The following DYNC2I1 variants were observed in gnomAD, a reference collection of about 807,000 sequenced individuals.
The protein encoded by DYNC2I1 is dynein 2 intermediate chain 1, also known as cytoplasmic dynein 2 intermediate chain 1.
In DYNC2I1, 89 loss-of-function variants were observed where a neutral mutation model predicts 133.4. The observed-to-expected ratio is 0.67, with a 90% CI of 0.56 to 0.80. The LOEUF (loss-of-function observed/expected upper bound fraction) is 0.80. Ranked by LOEUF, DYNC2I1 falls within the 30% of genes least tolerant of loss-of-function variation. The pLI, the probability that DYNC2I1 is intolerant of heterozygous loss-of-function variation, is 0.00. For missense variants in DYNC2I1, 1,291 were observed against 1,314.5 expected (o/e 0.98, Z 0.28); for synonymous variants, 504 against 484.3 (o/e 1.04, Z -0.54).
chr7:158,895,327 G>A (rs566732266), intron 8 of DYNC2I1, among the ~76,000 whole-genome samples: 19 of 152,294 alleles, frequency 1.2e-4, no homozygotes, highest in Middle Eastern at 3.4e-3. Context: ...TTCTTGAGGG[G>A]TGTAAGGTCT....
chr7:158,897,009 A>T (rs1845821618), intron 8 of DYNC2I1, among the ~76,000 whole-genome samples: 2 of 143,636 alleles, frequency 1.4e-5, no homozygotes, highest in Admixed American at 7.0e-5. Context: ...TTTGAGACAG[A>T]GTCTCTCTCT....
downstream of DYNC2I1, among the ~76,000 whole-genome samples, chr7:158,949,275 T>C (rs1481820261): frequency 6.6e-6 from 1 of 152,270 alleles, no homozygotes; most frequent in Non-Finnish European, 1.5e-5. Context: ...CACACAGTCC[T>C]GAATGCGGAA....
chr7:158,923,572 T>A lies in DYNC2I1; in HGVS notation c.2096T>A (p.Val699Asp). The A allele has an allele frequency of 6.2e-7, 1 of 1,614,058 alleles. No individual in the cohort carries two copies. Among genetic ancestry groups the A allele is most frequent in the Non-Finnish European group, 8.5e-7 (1 of 1,179,910 alleles). ...GCTTTCTGTGCCTTTGTCTTTTAGG[T>A]CACGTGTTGCTGCTTGAGCCCTTTG... ...PQKVLICESQ[V>D]TCCCLSPLKA... Residue 699 changes from valine (V) to aspartate (D), a missense_variant and splice_region_variant, in exon 17 of 25, where the codon GTC becomes GAC. Transcript: ENST00000407559.
At chr7:158,878,136 G>C (rs573613353) in intron 4 of DYNC2I1, among the ~76,000 whole-genome samples, 3 of 149,518 alleles carry the variant, frequency 2.0e-5, no homozygotes, top group South Asian at 4.3e-4. Flanking sequence ...GGGAGGCCAG[G>C]AGGGCTGACT....
chr7:158,919,878 G>A (rs1383318165), intron 15 of DYNC2I1, among the ~76,000 whole-genome samples: 5 of 146,014 alleles, frequency 3.4e-5, no homozygotes, highest in South Asian at 2.2e-4. Context: ...CCGAGTGTGC[G>A]CCGCCCCCAG....
At chr7:158,861,812 A>T (rs1841891161) in intron 1 of DYNC2I1, among the ~76,000 whole-genome samples, 2 of 152,202 alleles carry the variant, frequency 1.3e-5, no homozygotes, top group Non-Finnish European at 2.9e-5. Flanking sequence ...GGATTCAGTG[A>T]TGGAAACTGA....
upstream of DYNC2I1, among the ~76,000 whole-genome samples, chr7:158,852,827 C>T (rs986453457): frequency 1.3e-5 from 2 of 152,218 alleles, no homozygotes; most frequent in African/African-American, 4.8e-5. Context: ...ACAAAAGTCT[C>T]TAAAAATCCT....
chr7:158,895,464 A>G (rs138173839), intron 8 of DYNC2I1, among the ~76,000 whole-genome samples: 160 of 152,140 alleles, frequency 1.1e-3, no homozygotes, highest in African/African-American at 3.6e-3. Flanking sequence ...ATGTGGGTCT[A>G]TTTCTGGGCT....
intron 11 of DYNC2I1, 99 bp from the exon 12 acceptor site, chr7:158,911,451 T>G: frequency 7.5e-7 from 1 of 1,326,006 alleles, no homozygotes; most frequent in Non-Finnish European, 1.0e-6. Context: ...TTTCTGACAA[T>G]AACATGCATT....
chr7:158,884,456 CTGT>C, intron 5 of DYNC2I1, 105 bp from the exon 6 acceptor site: 5 of 900,884 alleles, frequency 5.6e-6, no homozygotes, highest in South Asian at 3.6e-5. Context: ...GATGTACATG[CTGT>C]TGTTAAATTT....
downstream of DYNC2I1, among the ~76,000 whole-genome samples, chr7:158,947,298 C>G (rs1851917963): frequency 6.6e-6 from 1 of 152,158 alleles, no homozygotes; most frequent in Non-Finnish European, 1.5e-5. Context: ...GAGTCCACAC[C>G]CACTCACCGT....
chr7:158,926,546 C>CG, intron 19 of DYNC2I1, 83 bp downstream of exon 19: 8 of 1,447,406 alleles, frequency 5.5e-6, no homozygotes, highest in Non-Finnish European at 7.6e-6. Context: ...GCGCAGGGGG[C>CG]GGGACCCAGT....
rs1199721243 is a variant in DYNC2I1, at chr7:158,891,364, A to C, written c.1059+31A>C. ...GAGAGTACGTCTTCTTATAGTTTGCAATCCTGTCCCAGCACAGACCCACTC... is the reference window on the plus strand; with the variant it reads ...GAGAGTACGTCTTCTTATAGTTTGCCATCCTGTCCCAGCACAGACCCACTC... On this transcript the variant is annotated intron_variant, in intron 8 of 24. Coordinates refer to ENST00000407559, the MANE Select transcript of DYNC2I1 (RefSeq NM_018051.5). 3.1e-6 allele frequency: 5 copies of C among 1,613,664 alleles called. No homozygotes were observed. The South Asian group carries it at 4.4e-5, about 14-fold the overall frequency.
At chr7:158,862,525 T>G (rs1227774021) in intron 1 of DYNC2I1, among the ~76,000 whole-genome samples, 3 of 133,372 alleles carry the variant, frequency 2.2e-5, no homozygotes, top group Non-Finnish European at 4.6e-5. Context: ...GAGGCCAGCC[T>G]GGGCAACATA....
chr7:158,843,301 C>T, the DYNC2I1 span, among the ~76,000 whole-genome samples: 1 of 152,082 alleles, frequency 6.6e-6, no homozygotes, highest in African/African-American at 2.4e-5. Context: ...GCTCTTGTTG[C>T]CCAGGTTGGA....
At chr7:158,957,712 G>A (rs568144709), downstream of DYNC2I1, among the ~76,000 whole-genome samples, 5 of 152,308 alleles carry the variant, frequency 3.3e-5, no homozygotes, top group South Asian at 1.0e-3. Context: ...GAGTCCCTGA[G>A]CATCGAGCCT....
intron 5 of DYNC2I1, among the ~76,000 whole-genome samples, chr7:158,881,338 C>T (rs572222591): frequency 5.3e-5 from 8 of 152,306 alleles, no homozygotes; most frequent in East Asian, 3.9e-4. Context: ...CCCGCGTCTA[C>T]GGTGTGGAAA....
At position 158,902,596 on chromosome 7, in the gene DYNC2I1, G is replaced by A; in HGVS notation, c.1357+1G>A. ...GAATTTGAAAAGGAGCCCAGGACAG[G>A]TAAACAAATCAATGCTACTAATGGT... On this transcript the variant is annotated splice_donor_variant, in intron 10 of 24. Transcript: ENST00000407559. LOFTEE classifies it high-confidence loss of function. 6.2e-7 allele frequency: 1 copy of A among 1,613,044 alleles called. No homozygotes were observed. The highest frequency in any genetic ancestry group is 1.1e-5 in the South Asian group (1 of 90,886).
At chr7:158,900,465 C>T (rs1419182080) in intron 8 of DYNC2I1, among the ~76,000 whole-genome samples, 3 of 152,026 alleles carry the variant, frequency 2.0e-5, no homozygotes, top group African/African-American at 7.2e-5. Context: ...GTGTTTTTTC[C>T]CCATCTGGCT....
Sources: allele counts gnomAD v4.1 joint callset (sites outside exome capture counted in the v4.1 genomes callset), GRCh38; gene constraint gnomAD v4.1.1; transcripts MANE v1.5; gene names NCBI Gene and HGNC (gene_info 2026-07-23, HGNC 2026-07-21).